The following PRKN variants were observed in gnomAD, a reference collection of about 807,000 sequenced individuals.
The protein encoded by PRKN is E3 ubiquitin-protein ligase parkin.
Under a neutral mutation model 59.5 loss-of-function variants are expected in PRKN, and 56 were observed. The ratio of observed to expected loss-of-function variants is 0.94; its 90% CI spans 0.76 to 1.18. The LOEUF (loss-of-function observed/expected upper bound fraction) is 1.18, where lower values mean the gene tolerates loss of function less well. PRKN is among the 50% of genes most tolerant of loss of function. The probability of loss-of-function intolerance (pLI) is 0.00; values close to 1 mark genes in which losing one functional copy is unlikely to be tolerated. For missense variants in PRKN, 657 were observed against 596.4 expected (o/e 1.10, Z -1.06); for synonymous variants, 250 against 222.1 (o/e 1.13, Z -1.12).
intron 2 of PRKN, among the ~76,000 whole-genome samples, chr6:162,386,736 C>T (rs1366921933): frequency 3.3e-5 from 5 of 152,160 alleles, no homozygotes; most frequent in Non-Finnish European, 7.3e-5. Flanking sequence ...GGGACAGAGA[C>T]AGACAGATGA....
intron 11 of PRKN, among the ~76,000 whole-genome samples, chr6:161,350,645 AT>A (rs1225699094): frequency 9.4e-6 from 1 of 106,094 alleles, no homozygotes; most frequent in Non-Finnish European, 1.7e-5. Context: ...TATATTTAAA[AT>A]ATATATATTT....
chr6:161,731,704 A>G (rs1428180343), intron 7 of PRKN, among the ~76,000 whole-genome samples: 1 of 151,708 alleles, frequency 6.6e-6, no homozygotes, highest in African/African-American at 2.4e-5. Flanking sequence ...ATTAAACTCT[A>G]TAAAGATAAA....
intron 4 of PRKN, among the ~76,000 whole-genome samples, chr6:162,167,099 T>C (rs1783023656): frequency 6.6e-6 from 1 of 152,132 alleles, no homozygotes; most frequent in Admixed American, 6.5e-5. Context: ...AGCTGATGAG[T>C]GGATCTACAG....
intron 5 of PRKN, among the ~76,000 whole-genome samples, chr6:162,026,166 G>A (rs1271235961): frequency 6.6e-6 from 1 of 152,162 alleles, no homozygotes; most frequent in Admixed American, 6.5e-5. Flanking sequence ...GTTGACATCT[G>A]TGTAACTTTG....
intron 7 of PRKN, among the ~76,000 whole-genome samples, chr6:161,628,403 G>A (rs1328681640): frequency 6.6e-6 from 1 of 152,172 alleles, no homozygotes; most frequent in Non-Finnish European, 1.5e-5. Context: ...CAGAAGGGAT[G>A]AGAGGGCTCT....
chr6:162,664,868 C>T lies in PRKN; in HGVS notation c.7+62794G>A, dbSNP rs573499588. ...TCTGATGATAGTTTCTTTTGCTGTGCAGAAGCTCTTTAGTTTAATTAGATC... is the reference window on the plus strand; with the variant it reads ...TCTGATGATAGTTTCTTTTGCTGTGTAGAAGCTCTTTAGTTTAATTAGATC... On this transcript the variant is annotated intron_variant, in intron 1 of 11. Coordinates refer to ENST00000366898, the MANE Select transcript of PRKN (RefSeq NM_004562.3). 2.6e-5 allele frequency among the ~76,000 whole-genome samples: 4 copies of T among 152,202 alleles called. No individual in the cohort carries two copies. In the South Asian group the frequency reaches 8.3e-4, roughly 32 times the overall value.
intron 1 of PRKN, among the ~76,000 whole-genome samples, chr6:162,556,342 G>GGGGGGTGTGTGT (rs1175202893): frequency 4.4e-4 from 25 of 57,302 alleles, no homozygotes; most frequent in Middle Eastern, 9.6e-3. Context: ...CTACTCAGCT[G>GGGGGGTGTGTGT]GTGTGTGTGT....
rs1787500384 is a variant in PRKN at position 161,410,742 on chromosome 6, G to GA, written c.1084-23866dup. On this transcript the variant is annotated intron_variant, in intron 9 of 11. Transcript: ENST00000366898. This position sits in a 1 kb window ranked among gnomAD's most constrained non-coding sequence, Gnocchi z 5.3. ...TGAGGGAGGGGCAACAGTGCCATGG[G>GA]AAATGCATCATTGGTGCTCATGACA... Among the ~76,000 whole-genome samples the GA allele has an allele frequency of 6.6e-6, 1 of 152,148 alleles. No homozygotes were observed. Among genetic ancestry groups the GA allele is most frequent in the Non-Finnish European group, 1.5e-5 (1 of 68,024 alleles).
intron 2 of PRKN, among the ~76,000 whole-genome samples, chr6:162,368,593 A>T (rs532369543): frequency 1.3e-5 from 2 of 152,178 alleles, no homozygotes; most frequent in African/African-American, 2.4e-5. Flanking sequence ...ACACTCTGTC[A>T]TCAGAGCTGG....
At chr6:161,596,676 G>A (rs1028481051) in intron 7 of PRKN, among the ~76,000 whole-genome samples, 3 of 152,096 alleles carry the variant, frequency 2.0e-5, no homozygotes, top group Non-Finnish European at 4.4e-5. Context: ...TCATAATTAA[G>A]TCGGTGCATT....
chr6:162,201,477 T>C (rs1583190399), intron 3 of PRKN, among the ~76,000 whole-genome samples: 1 of 152,190 alleles, frequency 6.6e-6, no homozygotes. Flanking sequence ...AACAGCCCTG[T>C]GACTTACTCA....
Position 161,757,840 on chromosome 6 carries a change from T to C in PRKN, c.871+27932A>G, listed in dbSNP as rs1788996728. The stretch of plus-strand genomic sequence containing the variant: ...GCAATAGAGCAAAACTCCATCTCTC[T>C]CTCTCTCTCTCTCTCTCTCTCTCTC... On this transcript the variant is annotated intron_variant, in intron 7 of 11. Transcript: ENST00000366898. 2.0e-5 allele frequency among the ~76,000 whole-genome samples: 2 copies of C among 100,142 alleles called. 1 individual carries two copies. Among genetic ancestry groups the C allele is most frequent in the South Asian group, 8.2e-4 (2 of 2,428 alleles). The allele number at this position is 100,142 out of a possible 152,430, so 65.7% of individuals were successfully genotyped here.
At chr6:162,203,835 A>G (rs1784832293) in intron 3 of PRKN, among the ~76,000 whole-genome samples, 1 of 152,146 alleles carries the variant, frequency 6.6e-6, no homozygotes. Flanking sequence ...GATTATCCCA[A>G]TAACTAAAGT....
rs182675359 is a variant in PRKN, at chr6:162,431,063, T to A, written c.171+12247A>T. 3.9e-4 allele frequency among the ~76,000 whole-genome samples: 60 copies of A among 152,066 alleles called. No homozygotes were observed. The East Asian group carries it at 0.011, about 28-fold the overall frequency. ...CCTTCAGTGTTATTATGTTGGTCCC[T>A]TAAAAAAAACAGGGCTGGCAGGTTT... On this transcript the variant is annotated intron_variant, in intron 2 of 11. Coordinates refer to ENST00000366898, the MANE Select transcript of PRKN (RefSeq NM_004562.3).
At chr6:161,452,938 A>G (rs1052081279) in intron 9 of PRKN, among the ~76,000 whole-genome samples, 1 of 151,974 alleles carries the variant, frequency 6.6e-6, no homozygotes, top group African/African-American at 2.4e-5. Flanking sequence ...AGAATTTTGC[A>G]CTATTGTGCT....
At chr6:162,047,544 G>GAA in intron 5 of PRKN, among the ~76,000 whole-genome samples, 2 of 141,554 alleles carry the variant, frequency 1.4e-5, no homozygotes, top group African/African-American at 5.2e-5. Context: ...TTAGACACCA[G>GAA]AAAAAAAAAA....
At chr6:161,680,754 TATATATATATATATATATATA>T (rs1485398254) in intron 7 of PRKN, among the ~76,000 whole-genome samples, 1,234 of 22,362 alleles carry the variant, frequency 0.055, 24 homozygotes, top group South Asian at 0.11. Context: ...TATATATATA[TATATATATATATATATATATA>T]TTTTTTTTTT....
chr6:161,829,123 G>A (rs140755923), intron 6 of PRKN, among the ~76,000 whole-genome samples: 1,927 of 152,220 alleles, frequency 0.013, 18 homozygotes, highest in Non-Finnish European at 0.02. Flanking sequence ...CTACTTGGGA[G>A]GCTGAGGCAG....
chr6:161,509,548 G>A (rs1382547088), intron 9 of PRKN, among the ~76,000 whole-genome samples: 1 of 151,870 alleles, frequency 6.6e-6, no homozygotes, highest in Non-Finnish European at 1.5e-5. Flanking sequence ...ACATGAGAAT[G>A]CCCATCTAGT....
Sources: gnomAD v4.1 joint callset for allele counts (sites outside exome capture counted in the v4.1 genomes callset) on GRCh38, gnomAD v4.1.1 for gene constraint, Gnocchi (gnomAD v3.1) non-coding constraint, MANE v1.5 for transcripts, NCBI Gene and HGNC (gene_info 2026-07-23, HGNC 2026-07-21) for gene names.